ECI1: variants seen among roughly 807,000 people sequenced by gnomAD.
ECI1 encodes enoyl-CoA delta isomerase 1, also known as enoyl-CoA delta isomerase 1, mitochondrial.
Under a neutral mutation model 34.2 loss-of-function variants are expected in ECI1, and 34 were observed. The observed-to-expected ratio is 1.00, with a 90% CI of 0.76 to 1.33. The LOEUF (loss-of-function observed/expected upper bound fraction) is 1.33. Among genes scored for constraint, ECI1 ranks in the 40% most tolerant of loss-of-function variants. The probability of loss-of-function intolerance (pLI) is 0.00; values close to 1 mark genes in which losing one functional copy is unlikely to be tolerated. For synonymous variants in ECI1, 211 were observed against 193.0 expected (o/e 1.09, Z -0.77); for missense variants, 456 against 422.2 (o/e 1.08, Z -0.70).
At position 2,244,501 on chromosome 16, in the gene ECI1, T is replaced by C. The variant is rs1401212592; in HGVS notation, c.346A>G (p.Arg116Gly). 6.2e-7 allele frequency: 1 copy of C among 1,606,438 alleles called. No individual in the cohort carries two copies. The highest frequency in any genetic ancestry group is 8.5e-7 in the Non-Finnish European group (1 of 1,177,284). ...AGLDLTEMCGRSPAHYAGYWK... is the reference protein window; with the variant it reads ...AGLDLTEMCGGSPAHYAGYWK... Reference sequence around the variant, plus strand: ...TACCCAGCGTAGTGGGCGGGGCTCCTCCCACACATCTCCGTCAGGTCCAGG... The same window carrying C: ...TACCCAGCGTAGTGGGCGGGGCTCCCCCCACACATCTCCGTCAGGTCCAGG... The change falls in exon 4 of 7, where the codon AGG (arginine) becomes GGG (glycine). Residue 116 changes from arginine to glycine, a missense_variant. By Grantham distance (125) the Arg-to-Gly change is moderately radical (BLOSUM62 -2). Coordinates refer to ENST00000301729, the MANE Select transcript of ECI1 (RefSeq NM_001919.4).
At position 2,244,569 on chromosome 16, in the gene ECI1, G is replaced by C; in HGVS notation, c.295-17C>G. ...CGGGCGGTCCTGCAGGGGGAGCCGG[G>C]GCCACATGCCCATCAGAGTCCACCT... On this transcript the variant is annotated splice_polypyrimidine_tract_variant and intron_variant, in intron 3 of 6. Transcript: ENST00000301729. 1.3e-6 allele frequency: 2 copies of C among 1,570,046 alleles called. No homozygotes were observed. Among genetic ancestry groups the C allele is most frequent in the Non-Finnish European group, 1.7e-6 (2 of 1,157,852 alleles).
chr16:2,246,018 G>C (rs1402424380), intron 3 of ECI1, among the ~76,000 whole-genome samples: 2 of 152,160 alleles, frequency 1.3e-5, no homozygotes, highest in African/African-American at 4.8e-5. Context: ...GAGGTGGGCA[G>C]ATCACTTGAG....
chr16:2,242,433 G>A (rs1228151278), intron 6 of ECI1: 1 of 157,396 alleles, frequency 6.4e-6, no homozygotes, highest in Non-Finnish European at 1.4e-5. Context: ...CTGGGCCCTG[G>A]TCTATACCAT....
At position 2,251,365 on chromosome 16, in the gene ECI1, C is replaced by CGCGCCGT; in HGVS notation, c.110_116dup (p.Phe42AlafsTer49). 8.0e-7 allele frequency: 1 copy of CGCGCCGT among 1,247,626 alleles called. No homozygotes were observed. The highest frequency in any genetic ancestry group is 3.4e-5 in the East Asian group (1 of 29,294). 77.3% of individuals were successfully genotyped at this position (1,247,626 alleles called of 1,614,324 possible). A position where few individuals can be genotyped will look rare whatever the true frequency, so the allele number is the denominator to read the frequency against. Reference sequence around the variant, plus strand: ...GCACCCGCTGGCTCCCGAAGCGCCGCGCGCCGTCTCCGCCGCCGGCCGCCC... The same window carrying CGCGCCGT: ...GCACCCGCTGGCTCCCGAAGCGCCGCGCGCCGTGCGCCGTCTCCGCCGCCGGCCGCCC... On this transcript the variant is annotated frameshift_variant, in exon 2 of 7. Coordinates refer to ENST00000301729, the MANE Select transcript of ECI1 (RefSeq NM_001919.4). LOFTEE classifies it high-confidence loss of function.
At chr16:2,250,971 C>T (rs2093551892) in intron 2 of ECI1, among the ~76,000 whole-genome samples, 1 of 152,112 alleles carries the variant, frequency 6.6e-6, no homozygotes, top group South Asian at 2.1e-4. Flanking sequence ...ACCACCACGC[C>T]CAGCTAATTT....
intron 3 of ECI1, 77 bp downstream of exon 3, chr16:2,246,782 T>C: frequency 6.2e-7 from 1 of 1,604,292 alleles, no homozygotes; most frequent in East Asian, 2.2e-5. Context: ...CTCTTCCATG[T>C]GCAACAGGCC....
Position 2,251,376 on chromosome 16 carries a change from C to G in ECI1, c.106G>C (p.Gly36Arg). The G allele has an allele frequency of 8.0e-7, 1 of 1,249,208 alleles. No individual in the cohort carries two copies. Among genetic ancestry groups the G allele is most frequent in the Non-Finnish European group, 1.0e-6 (1 of 999,392 alleles). The allele number at this position is 1,249,208 out of a possible 1,614,324, so 77.4% of individuals were successfully genotyped here. Residue 36 changes from glycine to arginine, a missense_variant, in exon 2 of 7, where the codon GGA (glycine) becomes CGA (arginine). Coordinates refer to ENST00000301729, the MANE Select transcript of ECI1 (RefSeq NM_001919.4). The part of the protein sequence containing the change: ...LGRTERAAGG[G>R]DGARRFGSQR... ...CTCCCGAAGCGCCGCGCGCCGTCTC[C>G]GCCGCCGGCCGCCCGCTCCGTCCGC... is the stretch of plus-strand genomic sequence containing the variant.
At position 2,243,128 on chromosome 16, in the gene ECI1, C is replaced by T. The variant is rs1182174008; in HGVS notation, c.660G>A (p.Val220=). ...CCGGGACCACCTGGTCCACTATGCC[C>T]ACCTGCAGGGCCTCCGCCGGCGGGA... is the stretch of plus-strand genomic sequence containing the variant. The part of the protein sequence containing the change: ...LLFPPAEALQ[V]GIVDQVVPEE... Residue 220 remains valine, a synonymous_variant, in exon 6 of 7, where the codon GTG becomes GTA. Transcript: ENST00000301729. The T allele has an allele frequency of 1.2e-5, 20 of 1,606,582 alleles. No homozygotes were observed. The highest frequency in any genetic ancestry group is 6.7e-5 in the Admixed American group (4 of 60,008).
Position 2,239,738 on chromosome 16 carries a change from C to G in ECI1, c.*241G>C, listed in dbSNP as rs932512725. 5 of 552,100 alleles carry G rather than the reference C, an allele frequency of 9.1e-6. No homozygotes were observed. The African/African-American group carries it at 9.5e-5, about 10-fold the overall frequency. 34.2% of individuals were successfully genotyped at this position (552,100 alleles called of 1,614,324 possible). A position where few individuals can be genotyped will look rare whatever the true frequency, so the allele number is the denominator to read the frequency against. ...CCAGGTCCAGAATGGCATCCCCTGC[C>G]AGTCACAATCCCAAGTCAAAAGGCT... On this transcript the variant is annotated 3_prime_UTR_variant, in exon 7 of 7. Transcript: ENST00000301729.
chr16:2,240,862 T>G (rs1473298528), intron 6 of ECI1: 2 of 151,556 alleles, frequency 1.3e-5, no homozygotes, highest in East Asian at 3.9e-4. Flanking sequence ...GCCCGGCTAA[T>G]TTTTGTATTT....
chr16:2,249,484 TACACAC>T (rs373001180), intron 2 of ECI1, among the ~76,000 whole-genome samples: 1 of 151,362 alleles, frequency 6.6e-6, no homozygotes, highest in African/African-American at 2.4e-5. Context: ...GATTTTTATG[TACACAC>T]ACACACACAT....
chr16:2,242,018 C>T (rs1190322340), intron 6 of ECI1, among the ~76,000 whole-genome samples: 1 of 152,170 alleles, frequency 6.6e-6, no homozygotes, highest in Non-Finnish European at 1.5e-5. Flanking sequence ...CGCCGCCACA[C>T]CTGGCTAATT....
Position 2,239,432 on chromosome 16 carries a change from T to C in ECI1, c.*547A>G, listed in dbSNP as rs959927318. On this transcript the variant is annotated 3_prime_UTR_variant, in exon 7 of 7. Coordinates refer to ENST00000301729, the MANE Select transcript of ECI1 (RefSeq NM_001919.4). ...ATGAGTTTGGTTCTTGCAAAATCCT[T>C]CTTAAGGGACATTTGGATCCCTGGC... is the stretch of plus-strand genomic sequence containing the variant. The C allele has an allele frequency of 3.0e-5, 5 of 168,164 alleles. No individual in the cohort carries two copies. The highest frequency in any genetic ancestry group is 2.8e-4 in the Admixed American group (5 of 18,046). 10.4% of individuals were successfully genotyped at this position (168,164 alleles called of 1,614,324 possible).
At chr16:2,250,664 G>A (rs1039789787) in intron 2 of ECI1, among the ~76,000 whole-genome samples, 2 of 152,180 alleles carry the variant, frequency 1.3e-5, no homozygotes, top group African/African-American at 4.8e-5. Flanking sequence ...ATCCTTTCCA[G>A]TGGGTTTTAC....
chr16:2,239,978 G>C lies in ECI1; in HGVS notation c.*1C>G. 6.2e-7 allele frequency: 1 copy of C among 1,613,614 alleles called. No homozygotes were observed. The highest frequency in any genetic ancestry group is 8.5e-7 in the Non-Finnish European group (1 of 1,180,008). On this transcript the variant is annotated 3_prime_UTR_variant, in exon 7 of 7. Transcript: ENST00000301729. ...GCCGTAAGCCTGTGGCAGCCCAATC[G>C]TTAGCCTTTTTCTTCTTTGAGCCTC...
At position 2,243,151 on chromosome 16, in the gene ECI1, G is replaced by A. The variant is rs747029298; in HGVS notation, c.637C>T (p.Pro213Ser). The A allele has an allele frequency of 5.6e-6, 9 of 1,607,202 alleles. No homozygotes were observed. The Admixed American group carries it at 1.5e-4, about 27-fold the overall frequency. Residue 213 changes from proline to serine, a missense_variant, in exon 6 of 7, where the codon CCG (proline) becomes TCG (serine). Pro to Ser is a moderately conservative substitution (Grantham distance 74). Transcript: ENST00000301729. ...CCCACCTGCAGGGCCTCCGCCGGCG[G>A]GAAGAGCAGCCCCAGCTGCAGGGCA... is the stretch of plus-strand genomic sequence containing the variant. The part of the protein sequence containing the change: ...ERALQLGLLF[P>S]PAEALQVGIV...
At chr16:2,240,710 T>C (rs1038398467) in intron 6 of ECI1, 1 of 153,378 alleles carries the variant, frequency 6.5e-6, no homozygotes, top group African/African-American at 2.4e-5. Context: ...TATTTATTTA[T>C]TTTTGAGATG....
At chr16:2,243,259 C>A (rs780962350) in intron 5 of ECI1, 35 bp from the exon 6 acceptor site, 27 of 1,613,160 alleles carry the variant, frequency 1.7e-5, no homozygotes, top group Non-Finnish European at 2.3e-5. Flanking sequence ...CACATGGCCC[C>A]AGGCGGGTCT....
chr16:2,241,161 T>TA (rs1567311997), intron 6 of ECI1: 3 of 149,032 alleles, frequency 2.0e-5, no homozygotes, highest in African/African-American at 7.6e-5. Context: ...TCAAAAAAAA[T>TA]AAATAAAATA....
Sources: allele counts gnomAD v4.1 joint callset (sites outside exome capture counted in the v4.1 genomes callset), GRCh38; gene constraint gnomAD v4.1.1; transcripts MANE v1.5; gene names NCBI Gene and HGNC (gene_info 2026-07-23, HGNC 2026-07-21).